Variants in FARS2 observed in about 807,000 individuals in gnomAD.
FARS2 encodes the protein phenylalanyl-tRNA synthetase 2, mitochondrial, also known as phenylalanine--tRNA ligase, mitochondrial.
A neutral mutation model predicts 46.4 loss-of-function variants in FARS2; 40 were observed. The observed-to-expected ratio is 0.86, with a 90% CI of 0.67 to 1.12. FARS2 has a LOEUF of 1.12. Ranked by LOEUF, FARS2 falls within the 50% of genes most tolerant of loss-of-function variation. The probability of loss-of-function intolerance (pLI) is 0.00; values close to 1 mark genes in which losing one functional copy is unlikely to be tolerated. For synonymous variants in FARS2, 234 were observed against 214.9 expected, an observed-to-expected ratio of 1.09 and a Z score of -0.78; for missense variants, 513 against 567.9, an observed-to-expected ratio of 0.90 and a Z score of 0.98.
intron 6 of FARS2, among the ~76,000 whole-genome samples, chr6:5,646,735 AC>A (rs1482493082): frequency 6.6e-6 from 1 of 152,214 alleles, no homozygotes; most frequent in Non-Finnish European, 1.5e-5. Context: ...TATTTATAAT[AC>A]CTAATACAAT....
chr6:5,636,342 A>G (rs1234463222), intron 6 of FARS2, among the ~76,000 whole-genome samples: 3 of 152,164 alleles, frequency 2.0e-5, no homozygotes, highest in Non-Finnish European at 2.9e-5. Flanking sequence ...TGGGGTGTCC[A>G]CCCAGCTCCC....
chr6:5,608,338 C>A (rs7738509), intron 5 of FARS2, among the ~76,000 whole-genome samples: 2 of 151,992 alleles, frequency 1.3e-5, no homozygotes, highest in Admixed American at 6.5e-5. Context: ...TTCTTGTTTA[C>A]TGCCTTGGTT....
At chr6:5,633,811 G>A (rs1776413817) in intron 6 of FARS2, among the ~76,000 whole-genome samples, 1 of 151,956 alleles carries the variant, frequency 6.6e-6, no homozygotes, top group Non-Finnish European at 1.5e-5. Context: ...TCTCTTAATT[G>A]TTCAAGTCTT....
intron 6 of FARS2, among the ~76,000 whole-genome samples, chr6:5,711,160 C>T (rs1191798272): frequency 6.6e-6 from 1 of 152,036 alleles, no homozygotes; most frequent in African/African-American, 2.4e-5. Flanking sequence ...GGAACAGGAG[C>T]CAACTGAAAG....
chr6:5,438,288 A>C (rs1304525022), intron 4 of FARS2, among the ~76,000 whole-genome samples: 6 of 102,030 alleles, frequency 5.9e-5, no homozygotes, highest in African/African-American at 2.4e-4. Context: ...TGATTTTGAT[A>C]TGTCTAGGTA....
chr6:5,606,366 G>A (rs917847430), intron 5 of FARS2, among the ~76,000 whole-genome samples: 1 of 151,882 alleles, frequency 6.6e-6, no homozygotes, highest in African/African-American at 2.4e-5. Context: ...AGGCGGCAGG[G>A]AAGTTGTCAG....
At chr6:5,696,671 A>G (rs1374719239) in intron 6 of FARS2, among the ~76,000 whole-genome samples, 4 of 152,230 alleles carry the variant, frequency 2.6e-5, no homozygotes, top group Admixed American at 6.5e-5. Context: ...AAAGATAGAA[A>G]GGAAATCATT....
chr6:5,518,139 T>G (rs1768922595), intron 4 of FARS2, among the ~76,000 whole-genome samples: 1 of 152,176 alleles, frequency 6.6e-6, no homozygotes, highest in African/African-American at 2.4e-5. Flanking sequence ...CAGCAGAGGC[T>G]GGGGTACTGG....
rs546807938 is a variant in FARS2, at chr6:5,413,939, A to T, written c.772+9238A>T. ...GTGACTGGCTGTGGATTTTGTGCTT[A>T]GTTGGACTGCTGATTACCAGCCCAT... On this transcript the variant is annotated intron_variant, in intron 3 of 6. Coordinates refer to ENST00000274680, the MANE Select transcript of FARS2 (RefSeq NM_006567.5). Among the ~76,000 whole-genome samples, 9 of 152,244 alleles carry T rather than the reference A, an allele frequency of 5.9e-5. No individual in the cohort carries two copies. In the South Asian group the frequency reaches 1.9e-3, roughly 32 times the overall value.
At position 5,432,636 on chromosome 6, in the gene FARS2, G is replaced by T. The variant is rs77563237; in HGVS notation, c.904+1464G>T. 6.1e-3 allele frequency among the ~76,000 whole-genome samples: 909 copies of T among 149,664 alleles called. 28 individuals are homozygous for T. Among genetic ancestry groups the T allele is most frequent in the East Asian group, 0.047 (236 of 5,072 alleles). ...GTGAGCACCAAATTGGATAGGAACT[G>T]ATGTGGATTGTTCAGGAAACCTTTC... On this transcript the variant is annotated intron_variant, in intron 4 of 6. Transcript: ENST00000274680.
chr6:5,720,722 C>T (rs1759838248), intron 6 of FARS2, among the ~76,000 whole-genome samples: 1 of 152,130 alleles, frequency 6.6e-6, no homozygotes, highest in Admixed American at 6.5e-5. Flanking sequence ...TGATATTGAT[C>T]ATATTAAAAA....
intron 6 of FARS2, among the ~76,000 whole-genome samples, chr6:5,636,931 C>A (rs983147913): frequency 6.6e-6 from 1 of 152,238 alleles, no homozygotes; most frequent in African/African-American, 2.4e-5. Context: ...GTGAGCACAG[C>A]GTGCCCCAGG....
At chr6:5,692,403 C>T (rs1757805184) in intron 6 of FARS2, among the ~76,000 whole-genome samples, 4 of 152,158 alleles carry the variant, frequency 2.6e-5, no homozygotes, top group Admixed American at 2.6e-4. Flanking sequence ...ATAACTAGCC[C>T]TTTTTGTATC....
At chr6:5,337,507 T>G (rs1182349557) in intron 1 of FARS2, among the ~76,000 whole-genome samples, 1 of 152,200 alleles carries the variant, frequency 6.6e-6, no homozygotes, top group Non-Finnish European at 1.5e-5. Context: ...CTTTTGTGGT[T>G]TCTTATAAAG....
intron 1 of FARS2, among the ~76,000 whole-genome samples, chr6:5,320,286 A>G (rs1480216231): frequency 6.6e-6 from 1 of 152,194 alleles, no homozygotes; most frequent in Non-Finnish European, 1.5e-5. Flanking sequence ...GCTGCTCTCC[A>G]GAGAGATCAA....
rs1004598841 is a variant in FARS2 at position 5,431,450 on chromosome 6, C to T, written c.904+278C>T. ...CTTTGTGATTTCGTATTTGTTGATA[C>T]GTTGCTTTGTAATTGCCCCAAAGAC... On this transcript the variant is annotated intron_variant, in intron 4 of 6. Transcript: ENST00000274680. Among the ~76,000 whole-genome samples the T allele has an allele frequency of 6.6e-5, 10 of 152,168 alleles. No homozygotes were observed. In the East Asian group the frequency reaches 1.7e-3, roughly 26 times the overall value.
Position 5,462,017 on chromosome 6 carries a change from G to A in FARS2, c.904+30845G>A, listed in dbSNP as rs200053844. Among the ~76,000 whole-genome samples, 73 of 152,276 alleles carry A rather than the reference G, an allele frequency of 4.8e-4. 1 individual carries two copies. The highest frequency in any genetic ancestry group is 1.6e-3 in the African/African-American group (67 of 41,562). The stretch of plus-strand genomic sequence containing the variant: ...CTGCTGAACTTTTTCTAAAGTGACC[G>A]TACATGAGCAATACATGAGGGTTCT... On this transcript the variant is annotated intron_variant, in intron 4 of 6. Coordinates refer to ENST00000274680, the MANE Select transcript of FARS2 (RefSeq NM_006567.5).
At chr6:5,675,766 G>C (rs756177047) in intron 6 of FARS2, among the ~76,000 whole-genome samples, 2 of 152,184 alleles carry the variant, frequency 1.3e-5, no homozygotes, top group African/African-American at 2.4e-5. Context: ...AAATAAACCT[G>C]GACAATTCAT....
chr6:5,542,458 G>A (rs1204158226), intron 4 of FARS2, among the ~76,000 whole-genome samples: 1 of 152,180 alleles, frequency 6.6e-6, no homozygotes, highest in Non-Finnish European at 1.5e-5. Context: ...CATATGCTAA[G>A]TGTCTGTTTA....
Sources: gnomAD v4.1 joint callset for allele counts (sites outside exome capture counted in the v4.1 genomes callset) on GRCh38, gnomAD v4.1.1 for gene constraint, MANE v1.5 for transcripts, NCBI Gene and HGNC (gene_info 2026-07-23, HGNC 2026-07-21) for gene names.